BSN: variants seen among roughly 807,000 people sequenced by gnomAD.
BSN encodes protein bassoon.
BSN carries 57 observed loss-of-function variants against 264.8 expected under a neutral mutation model. That is an observed-to-expected ratio of 0.22 (90% CI 0.17 to 0.27). The LOEUF (loss-of-function observed/expected upper bound fraction) is 0.27, where lower values mean the gene tolerates loss of function less well. Among genes scored for constraint, BSN ranks in the 10% least tolerant of loss-of-function variants. BSN has a pLI of 1.00. For missense variants in BSN, 4,615 were observed against 5,232.5 expected (o/e 0.88, Z 3.64); for synonymous variants, 2,059 against 2,137.3 (o/e 0.96, Z 1.01).
intron 3 of BSN, among the ~76,000 whole-genome samples, chr3:49,649,622 G>A (rs1035095407): frequency 6.6e-6 from 1 of 152,226 alleles, no homozygotes; most frequent in Non-Finnish European, 1.5e-5. Context: ...CCTGTACAAA[G>A]CAGCTGGGGC....
At chr3:49,604,704 A>C (rs1449359249) in intron 1 of BSN, among the ~76,000 whole-genome samples, 1 of 152,180 alleles carries the variant, frequency 6.6e-6, no homozygotes, top group Non-Finnish European at 1.5e-5. Context: ...CAGCTGGAGC[A>C]GGGACATACA....
chr3:49,556,650 A>T (rs1175013838), intron 1 of BSN, among the ~76,000 whole-genome samples: 1 of 152,170 alleles, frequency 6.6e-6, no homozygotes, highest in Non-Finnish European at 1.5e-5. Context: ...TCCAGCTGAT[A>T]TTCATTTTAT....
In BSN at chr3:49,661,109, G is replaced by A. The variant is rs746211125; in HGVS notation, c.9264G>A (p.Thr3088=). 1.3e-4 allele frequency: 211 copies of A among 1,582,674 alleles called. 4 individuals carry two copies. In the South Asian group the frequency reaches 2.0e-3, roughly 15 times the overall value. The change falls in exon 6 of 12, where the codon ACG becomes ACA. Residue 3088 remains threonine (T), a synonymous_variant. Coordinates refer to ENST00000296452, the MANE Select transcript of BSN (RefSeq NM_003458.4). ...CCCCCACCTACCCTGGCCCCAGCACGTACCCAGCTCCTGCCTTTCCTCCTG... is the reference window on the plus strand; with the variant it reads ...CCCCCACCTACCCTGGCCCCAGCACATACCCAGCTCCTGCCTTTCCTCCTG... The part of the protein sequence containing the change: ...HQAPTYPGPS[T]YPAPAFPPGA...
chr3:49,611,050 C>G (rs2052203059), intron 1 of BSN, among the ~76,000 whole-genome samples: 1 of 152,194 alleles, frequency 6.6e-6, no homozygotes, highest in African/African-American at 2.4e-5. Context: ...AGTCTCTCAT[C>G]AGTATTGGGT....
chr3:49,584,302 T>A (rs1389438671), intron 1 of BSN, among the ~76,000 whole-genome samples: 1 of 152,046 alleles, frequency 6.6e-6, no homozygotes, highest in Non-Finnish European at 1.5e-5. Context: ...TTTTATCTTT[T>A]GAAAGAACCA....
intron 2 of BSN, among the ~76,000 whole-genome samples, chr3:49,639,199 C>CTTTTT (rs71631022): frequency 7.5e-6 from 1 of 133,874 alleles, no homozygotes; most frequent in Non-Finnish European, 1.6e-5. Flanking sequence ...CTTTCTTTTT[C>CTTTTT]TTTTTTTTTT....
Position 49,642,638 on chromosome 3 carries a change from G to T in BSN, c.1004G>T (p.Gly335Val), listed in dbSNP as rs138319879. Residue 335 changes from glycine to valine, a missense_variant, in exon 3 of 12, where the codon GGG (glycine) becomes GTG (valine). This residue lies in a region of BSN where 1,197 missense variants were observed against 1,348.0 expected (regional missense o/e 0.89). Coordinates refer to ENST00000296452, the MANE Select transcript of BSN (RefSeq NM_003458.4). The surrounding 1 kb of genome is among the most constrained non-coding windows in gnomAD (Gnocchi z 7.0). ...AAAAGTGCCACCGCAGTGCCCGCTGGGCTTGGTGCCACTGAGCAGACCCAG... is the reference window on the plus strand; with the variant it reads ...AAAAGTGCCACCGCAGTGCCCGCTGTGCTTGGTGCCACTGAGCAGACCCAG... The part of the protein sequence containing the change: ...PAKSATAVPA[G>V]LGATEQTQEG... The T allele has an allele frequency of 6.0e-5, 96 of 1,603,352 alleles. No individual in the cohort carries two copies. Among genetic ancestry groups the T allele is most frequent in the African/African-American group, 1.3e-5 (1 of 74,720 alleles).
At chr3:49,576,923 A>G (rs978307096) in intron 1 of BSN, among the ~76,000 whole-genome samples, 1 of 152,152 alleles carries the variant, frequency 6.6e-6, no homozygotes, top group African/African-American at 2.4e-5. Context: ...GTCCCTTCAG[A>G]GACTCAACCC....
At chr3:49,572,697 C>G (rs895588734) in intron 1 of BSN, among the ~76,000 whole-genome samples, 3 of 152,164 alleles carry the variant, frequency 2.0e-5, no homozygotes, top group Non-Finnish European at 2.9e-5. Context: ...CCACGCCCGG[C>G]TAATTTTTTG....
chr3:49,662,145 G>A lies in BSN; in HGVS notation c.10300G>A (p.Asp3434Asn), dbSNP rs772204044. Residue 3434 changes from aspartate to asparagine, a missense_variant, in exon 6 of 12, where the codon GAC becomes AAC. Around this residue, in one of 3 missense-constraint regions of BSN, gnomAD observed 3,415 missense variants for 3,866.4 expected, o/e 0.88. Transcript: ENST00000296452. ...GMSSRDAVEDDRIYGGSSRSR... is the reference protein window; with the variant it reads ...GMSSRDAVEDNRIYGGSSRSR... ...GTCCAGCCGGGACGCAGTGGAGGACGACCGCATTTATGGCGGGAGCAGCCG... is the reference window on the plus strand; with the variant it reads ...GTCCAGCCGGGACGCAGTGGAGGACAACCGCATTTATGGCGGGAGCAGCCG... 102 of 1,613,342 alleles carry A rather than the reference G, an allele frequency of 6.3e-5. No individual in the cohort carries two copies. The highest frequency in any genetic ancestry group is 8.3e-5 in the Non-Finnish European group (98 of 1,180,032).
At chr3:49,605,293 T>G (rs1285309590) in intron 1 of BSN, among the ~76,000 whole-genome samples, 1 of 101,272 alleles carries the variant, frequency 9.9e-6, no homozygotes, top group East Asian at 2.3e-4. Context: ...ACATATATAT[T>G]TTATATATTA....
At chr3:49,627,049 C>T (rs2052346671) in intron 2 of BSN, among the ~76,000 whole-genome samples, 1 of 152,234 alleles carries the variant, frequency 6.6e-6, no homozygotes, top group African/African-American at 2.4e-5. Context: ...AGGCTCAGGG[C>T]CAGGAGAAGA....
At chr3:49,594,974 T>G (rs985631534) in intron 1 of BSN, among the ~76,000 whole-genome samples, 1 of 151,624 alleles carries the variant, frequency 6.6e-6, no homozygotes, top group African/African-American at 2.4e-5. Flanking sequence ...CACTGCCGTC[T>G]CTGCCTCCCA....
intron 10 of BSN, among the ~76,000 whole-genome samples, 172 bp downstream of exon 10, chr3:49,665,025 G>A (rs1243014416): frequency 6.6e-6 from 1 of 152,084 alleles, no homozygotes; most frequent in Non-Finnish European, 1.5e-5. Flanking sequence ...GAAAAAGGAG[G>A]GACACTGTGC....
chr3:49,590,685 ATATAT>A (rs764569678), intron 1 of BSN, among the ~76,000 whole-genome samples: 5 of 152,106 alleles, frequency 3.3e-5, no homozygotes, highest in South Asian at 2.1e-4. Flanking sequence ...CTATTGTTAT[ATATAT>A]TATATCTACA....
In BSN at chr3:49,661,141, G is replaced by C. The variant is rs1238553081; in HGVS notation, c.9296G>C (p.Ser3099Thr). The change falls in exon 6 of 12, where the codon AGT (serine) becomes ACT (threonine). Residue 3099 changes from serine to threonine, a missense_variant. Physicochemically the swap from Ser to Thr is moderately conservative, Grantham distance 58 (BLOSUM62 1). Coordinates refer to ENST00000296452, the MANE Select transcript of BSN (RefSeq NM_003458.4). ...GCTCCTGCCTTTCCTCCTGGTGCCA[G>C]TTACCCAGCTGAGCCTGGCCTGCCA... ...YPAPAFPPGA[S>T]YPAEPGLPNQ... 1.9e-6 allele frequency: 3 copies of C among 1,612,466 alleles called. No individual in the cohort carries two copies. The highest frequency in any genetic ancestry group is 2.7e-5 in the African/African-American group (2 of 74,666).
At chr3:49,561,913 T>G (rs2051714319) in intron 1 of BSN, among the ~76,000 whole-genome samples, 1 of 152,126 alleles carries the variant, frequency 6.6e-6, no homozygotes, top group African/African-American at 2.4e-5. Flanking sequence ...GATCAAGTGA[T>G]TCTCATGTCT....
chr3:49,657,656 C>T lies in BSN; in HGVS notation c.8100C>T (p.Ile2700=), dbSNP rs765632548. ...CTGCCACCGATCCCAAGGTGGAGAT[C>T]GTCAGGTACATATCGGCGCCAGAGA... ...ITAATDPKVE[I]VRYISAPEKT... Residue 2700 remains isoleucine, a synonymous_variant, in exon 5 of 12, where the codon ATC becomes ATT. Transcript: ENST00000296452. The T allele has an allele frequency of 3.8e-6, 6 of 1,586,790 alleles. No individual in the cohort carries two copies. The highest frequency in any genetic ancestry group is 3.4e-5 in the Admixed American group (2 of 58,612).
At chr3:49,624,681 A>G (rs558453192) in intron 1 of BSN, among the ~76,000 whole-genome samples, 16 of 152,308 alleles carry the variant, frequency 1.1e-4, no homozygotes, top group African/African-American at 3.8e-4. Flanking sequence ...GCATCACCTT[A>G]GAGCTTCTTA....
Sources: gnomAD v4.1 joint callset for allele counts (sites outside exome capture counted in the v4.1 genomes callset) on GRCh38, gnomAD v4.1.1 for gene constraint, gnomAD v4.1.1 regional missense constraint, Gnocchi (gnomAD v3.1) non-coding constraint, MANE v1.5 for transcripts, NCBI Gene and HGNC (gene_info 2026-07-23, HGNC 2026-07-21) for gene names.